BBC3: variants seen among roughly 807,000 people sequenced by gnomAD.
The protein encoded by BBC3 is bcl-2-binding component 3.
In BBC3, 5 loss-of-function variants were observed where a neutral mutation model predicts 18.2. The ratio of observed to expected loss-of-function variants is 0.27; its 90% CI spans 0.14 to 0.58. BBC3 has a LOEUF of 0.58. Among genes scored for constraint, BBC3 ranks in the 20% least tolerant of loss-of-function variants. BBC3 has a pLI of 0.91. For missense variants in BBC3, 224 were observed against 268.9 expected, an observed-to-expected ratio of 0.83 and a Z score of 1.17; for synonymous variants, 119 against 128.0, an observed-to-expected ratio of 0.93 and a Z score of 0.47.
At chr19:47,226,525 G>A in intron 3 of BBC3, 39 bp downstream of exon 3, 1 of 1,485,940 alleles carries the variant, frequency 6.7e-7, no homozygotes, top group Non-Finnish European at 9.0e-7. Flanking sequence ...TCCTCCGGCG[G>A]AAGTCCCACC....
At chr19:47,229,367 G>A (rs905301971) in intron 1 of BBC3, among the ~76,000 whole-genome samples, 3 of 151,410 alleles carry the variant, frequency 2.0e-5, no homozygotes, top group East Asian at 1.9e-4. Context: ...CAGGACACAC[G>A]TAGATCAGGC....
At position 47,231,038 on chromosome 19, in the gene BBC3, T is replaced by TCGCTGCTGCTGC; in HGVS notation, c.-137_-126dup. The stretch of plus-strand genomic sequence containing the variant: ...TCCGCGGCGGCTGCTGCTGTGGCTG[T>TCGCTGCTGCTGC]CGCTGCTGCTGCCGCTCTAACTGCA... On this transcript the variant is annotated 5_prime_UTR_variant, in exon 1 of 4. Coordinates refer to ENST00000439096, the MANE Select transcript of BBC3 (RefSeq NM_014417.5). This position sits in a 1 kb window ranked among gnomAD's most constrained non-coding sequence, Gnocchi z 4.0. 1 of 980,044 alleles carries TCGCTGCTGCTGC rather than the reference T, an allele frequency of 1.0e-6. No individual in the cohort carries two copies. Among genetic ancestry groups the TCGCTGCTGCTGC allele is most frequent in the Non-Finnish European group, 1.2e-6 (1 of 824,370 alleles). The allele number at this position is 980,044 out of a possible 1,614,324, so 60.7% of individuals were successfully genotyped here.
In BBC3 at chr19:47,221,812, T is replaced by C; in HGVS notation, c.572A>G (p.Glu191Gly). The C allele has an allele frequency of 6.2e-7, 1 of 1,612,844 alleles. No homozygotes were observed. The highest frequency in any genetic ancestry group is 1.1e-5 in the South Asian group (1 of 90,970). The change falls in exon 4 of 4, where the codon GAG (glutamate) becomes GGG (glycine). Residue 191 changes from glutamate (E) to glycine (G), a missense_variant. By Grantham distance (98) the Glu-to-Gly change is moderately conservative (BLOSUM62 -2). Coordinates refer to ENST00000439096, the MANE Select transcript of BBC3 (RefSeq NM_014417.5). Reference protein sequence around the residue: ...LPRGHRAPEMEPN With the variant: ...LPRGHRAPEMGPN Reference sequence around the variant, plus strand: ...GGCGGGTGCAGGCACCTAATTGGGCTCCATCTCGGGGGCTCTGTGGCCCCT... The same window carrying C: ...GGCGGGTGCAGGCACCTAATTGGGCCCCATCTCGGGGGCTCTGTGGCCCCT...
intron 3 of BBC3, chr19:47,222,704 G>T (rs887135539): frequency 6.6e-6 from 1 of 151,944 alleles, no homozygotes; most frequent in African/African-American, 2.4e-5. Flanking sequence ...GGTGGCTCAC[G>T]CCTGTAATCT....
chr19:47,227,570 C>T (rs1024610178), intron 2 of BBC3, among the ~76,000 whole-genome samples: 4 of 152,158 alleles, frequency 2.6e-5, no homozygotes, highest in Admixed American at 1.3e-4. Flanking sequence ...AGAGCGCCTG[C>T]CGGCAGGGAT....
chr19:47,226,556 G>T lies in BBC3; in HGVS notation c.465+8C>A. 1 of 1,544,380 alleles carries T rather than the reference G, an allele frequency of 6.5e-7. No homozygotes were observed. Among genetic ancestry groups the T allele is most frequent in the African/African-American group, 1.4e-5 (1 of 70,132 alleles). ...CCACCTGCCGTCTACCCCACCCCCA[G>T]CACTCACCCGCCGCTCGTACTGTGC... On this transcript the variant is annotated splice_region_variant and intron_variant, in intron 3 of 3. Coordinates refer to ENST00000439096, the MANE Select transcript of BBC3 (RefSeq NM_014417.5).
Position 47,221,750 on chromosome 19 carries a change from G to A in BBC3, c.*52C>T. 2 of 1,605,278 alleles carry A rather than the reference G, an allele frequency of 1.2e-6. No homozygotes were observed. The highest frequency in any genetic ancestry group is 4.5e-5 in the East Asian group (2 of 44,762). On this transcript the variant is annotated 3_prime_UTR_variant, in exon 4 of 4. Coordinates refer to ENST00000439096, the MANE Select transcript of BBC3 (RefSeq NM_014417.5). ...CGCGCTGGCCAGGGTGTCAGGAGGTGGGAGGGGCCTGCCCCCCGAGTCCCT... is the reference window on the plus strand; with the variant it reads ...CGCGCTGGCCAGGGTGTCAGGAGGTAGGAGGGGCCTGCCCCCCGAGTCCCT...
Position 47,226,581 on chromosome 19 carries a change from C to T in BBC3, c.448G>A (p.Ala150Thr). Reference sequence around the variant, plus strand: ...GCACTCACCCGCCGCTCGTACTGTGCGTTGAGGTCGTCCGCCATCCGCCGC... The same window carrying T: ...GCACTCACCCGCCGCTCGTACTGTGTGTTGAGGTCGTCCGCCATCCGCCGC... ...QLRRMADDLN[A>T]QYERRRQEEQ... Residue 150 changes from alanine to threonine, a missense_variant, in exon 3 of 4, where the codon GCA becomes ACA. Transcript: ENST00000439096. 6.3e-7 allele frequency: 1 copy of T among 1,579,886 alleles called. No homozygotes were observed. Among genetic ancestry groups the T allele is most frequent in the Non-Finnish European group, 8.6e-7 (1 of 1,165,354 alleles).
rs199804290 is a variant in BBC3, at chr19:47,221,768, G to C, written c.*34C>G. 4 of 1,607,170 alleles carry C rather than the reference G, an allele frequency of 2.5e-6. No individual in the cohort carries two copies. The highest frequency in any genetic ancestry group is 2.5e-6 in the Non-Finnish European group (3 of 1,178,010). On this transcript the variant is annotated 3_prime_UTR_variant, in exon 4 of 4. Coordinates refer to ENST00000439096, the MANE Select transcript of BBC3 (RefSeq NM_014417.5). ...AGGAGGTGGGAGGGGCCTGCCCCCC[G>C]AGTCCCTGACGTCCACCGGGCGGGT...
chr19:47,222,963 C>CAA (rs763480070), intron 3 of BBC3, among the ~76,000 whole-genome samples: 1,111 of 60,392 alleles, frequency 0.018, 25 homozygotes, highest in African/African-American at 0.058. Flanking sequence ...AACTCTGTCT[C>CAA]AAAAAAAAAA....
At position 47,221,538 on chromosome 19, in the gene BBC3, C is replaced by T; in HGVS notation, c.*264G>A. 1 of 632,162 alleles carries T rather than the reference C, an allele frequency of 1.6e-6. No individual in the cohort carries two copies. Among genetic ancestry groups the T allele is most frequent in the South Asian group, 2.2e-5 (1 of 44,574 alleles). 39.2% of individuals were successfully genotyped at this position (632,162 alleles called of 1,614,324 possible). A position where few individuals can be genotyped will look rare whatever the true frequency, so the allele number is the denominator to read the frequency against. On this transcript the variant is annotated 3_prime_UTR_variant, in exon 4 of 4. Transcript: ENST00000439096. ...GCGGCTCAGTCCCCACCCCCTCGGT[C>T]ACCGCCACCTTCCGATGCTGAGTCC...
At chr19:47,227,617 A>G (rs1172072565) in intron 2 of BBC3, among the ~76,000 whole-genome samples, 1 of 152,256 alleles carries the variant, frequency 6.6e-6, no homozygotes, top group East Asian at 1.9e-4. Context: ...ACAGCCCATC[A>G]GGCAGGGGAC....
At chr19:47,226,828 C>T (rs2058832076) in intron 2 of BBC3, 74 bp from the exon 3 acceptor site, 8 of 1,245,080 alleles carry the variant, frequency 6.4e-6, no homozygotes, top group African/African-American at 4.8e-5. Context: ...CTGCTCCCCT[C>T]TTTCCCAGCC....
Position 47,230,221 on chromosome 19 carries a change from A to G in BBC3, c.-16+708T>C, listed in dbSNP as rs2058893056. Among the ~76,000 whole-genome samples, 1 of 151,988 alleles carries G rather than the reference A, an allele frequency of 6.6e-6. No homozygotes were observed. The highest frequency in any genetic ancestry group is 6.6e-5 in the Admixed American group (1 of 15,254). On this transcript the variant is annotated intron_variant, in intron 1 of 3. Transcript: ENST00000439096. The surrounding 1 kb of genome is among the most constrained non-coding windows in gnomAD (Gnocchi z 6.7). Reference sequence around the variant, plus strand: ...CAAACAGGCGCGGGGACTCACGCAGACACCCCGACGGGTCAGAAACCCCAA... The same window carrying G: ...CAAACAGGCGCGGGGACTCACGCAGGCACCCCGACGGGTCAGAAACCCCAA...
chr19:47,231,351 G>T, upstream of BBC3: 1 of 330,804 alleles, frequency 3.0e-6, no homozygotes, highest in Non-Finnish European at 4.3e-6. This position sits in a 1 kb window ranked among gnomAD's most constrained non-coding sequence, Gnocchi z 4.0. Flanking sequence ...CGCGCGCCGC[G>T]CCCCCCCCTA....
intron 3 of BBC3, among the ~76,000 whole-genome samples, chr19:47,223,406 AAAC>A (rs2058774777): frequency 6.6e-6 from 1 of 152,040 alleles, no homozygotes. Flanking sequence ...GTCTCTACTA[AAAC>A]AACAAAAATT....
intron 1 of BBC3, among the ~76,000 whole-genome samples, chr19:47,229,746 T>C (rs2123394899): frequency 6.6e-6 from 1 of 151,324 alleles, no homozygotes; most frequent in African/African-American, 2.4e-5. Flanking sequence ...TCCTGGGTCC[T>C]CAAATCCCAG....
chr19:47,228,958 G>A lies in BBC3; in HGVS notation c.-15-512C>T, dbSNP rs1003416115. 5.9e-5 allele frequency among the ~76,000 whole-genome samples: 9 copies of A among 151,908 alleles called. No individual in the cohort carries two copies. Among genetic ancestry groups the A allele is most frequent in the African/African-American group, 2.2e-4 (9 of 41,372 alleles). ...CCCACTTGCACACAAACACTGAGAT[G>A]GCCCCAGTCTCGGACATCACTACTC... On this transcript the variant is annotated intron_variant, in intron 1 of 3. Transcript: ENST00000439096. This position sits in a 1 kb window ranked among gnomAD's most constrained non-coding sequence, Gnocchi z 5.5.
chr19:47,224,362 C>T (rs2058786262), intron 3 of BBC3, among the ~76,000 whole-genome samples: 1 of 152,088 alleles, frequency 6.6e-6, no homozygotes, highest in African/African-American at 2.4e-5. Flanking sequence ...GTAGCTCAGA[C>T]CCATAATTCC....
Sources: gnomAD v4.1 joint callset for allele counts (sites outside exome capture counted in the v4.1 genomes callset) on GRCh38, gnomAD v4.1.1 for gene constraint, Gnocchi (gnomAD v3.1) non-coding constraint, MANE v1.5 for transcripts, NCBI Gene and HGNC (gene_info 2026-07-23, HGNC 2026-07-21) for gene names.